THEMIS: variants seen among roughly 807,000 people sequenced by gnomAD.
THEMIS encodes thymocyte selection associated, also known as protein THEMIS.
THEMIS carries 37 observed loss-of-function variants against 52.6 expected under a neutral mutation model. The ratio of observed to expected loss-of-function variants is 0.70; its 90% CI spans 0.54 to 0.93. The LOEUF is 0.93. Ranked by LOEUF, THEMIS falls within the 40% of genes least tolerant of loss-of-function variation. The pLI is 0.00. For synonymous variants in THEMIS, 292 were observed against 272.7 expected (o/e 1.07, Z -0.70); for missense variants, 808 against 763.1 (o/e 1.06, Z -0.69).
intron 4 of THEMIS, among the ~76,000 whole-genome samples, chr6:127,774,354 A>C (rs1776486349): frequency 6.6e-6 from 1 of 152,120 alleles, no homozygotes; most frequent in Non-Finnish European, 1.5e-5. Flanking sequence ...TAAGGGCGCC[A>C]GCCACCATGC....
At chr6:127,765,903 G>T (rs145359346) in intron 4 of THEMIS, among the ~76,000 whole-genome samples, 88 of 151,992 alleles carry the variant, frequency 5.8e-4, no homozygotes, top group African/African-American at 2.0e-3. Context: ...GTCAATAATC[G>T]GTGCATACAT....
intron 1 of THEMIS, among the ~76,000 whole-genome samples, chr6:127,855,753 TA>T: frequency 6.6e-6 from 1 of 152,100 alleles, no homozygotes; most frequent in East Asian, 1.9e-4. Context: ...TTTGTGGCGA[TA>T]GGGGGCAGAC....
chr6:127,899,638 A>G (rs1781074941), intron 1 of THEMIS, among the ~76,000 whole-genome samples: 2 of 151,884 alleles, frequency 1.3e-5, no homozygotes, highest in South Asian at 4.1e-4. Flanking sequence ...ATGAAACCGT[A>G]AAGTTGATAA....
the THEMIS span, among the ~76,000 whole-genome samples, chr6:127,702,268 C>T: frequency 1.3e-5 from 2 of 152,070 alleles, no homozygotes; most frequent in South Asian, 2.1e-4. Context: ...TGTCCAAGTC[C>T]TATTTTATAT....
intron 4 of THEMIS, among the ~76,000 whole-genome samples, chr6:127,750,066 A>G (rs565871373): frequency 1.3e-5 from 2 of 149,630 alleles, no homozygotes; most frequent in African/African-American, 4.9e-5. Context: ...TTAAATGTCA[A>G]TGGATTCATT....
upstream of THEMIS, among the ~76,000 whole-genome samples, chr6:127,905,176 A>G (rs1419331216): frequency 6.6e-6 from 1 of 152,108 alleles, no homozygotes; most frequent in Non-Finnish European, 1.5e-5. Context: ...GATAAATGCA[A>G]AAGAAGGCAC....
intron 1 of THEMIS, among the ~76,000 whole-genome samples, chr6:127,875,927 T>A (rs1459907101): frequency 6.6e-6 from 1 of 152,232 alleles, no homozygotes; most frequent in Non-Finnish European, 1.5e-5. Flanking sequence ...TCAGTCTGGA[T>A]GTCTGGTTAT....
In THEMIS at chr6:127,793,528, A is replaced by G. The variant is rs537113421; in HGVS notation, c.1758+19355T>C. 2.0e-5 allele frequency among the ~76,000 whole-genome samples: 3 copies of G among 152,312 alleles called. No individual in the cohort carries two copies. In the East Asian group the frequency reaches 5.8e-4, roughly 29 times the overall value. ...GAAAGCAGGCCCCATGAAATCAAGC[A>G]TTACAGACAAGGACTTCTATTTGGG... On this transcript the variant is annotated intron_variant, in intron 4 of 5. Coordinates refer to ENST00000368248, the MANE Select transcript of THEMIS (RefSeq NM_001010923.3).
chr6:127,800,950 G>C (rs917688137), intron 4 of THEMIS, among the ~76,000 whole-genome samples: 1 of 152,180 alleles, frequency 6.6e-6, no homozygotes, highest in Non-Finnish European at 1.5e-5. Context: ...GGTTCTAGAG[G>C]AAGAGGAACA....
At chr6:127,906,612 A>C (rs1222967198) in intron 1 of THEMIS, among the ~76,000 whole-genome samples, 2 of 151,892 alleles carry the variant, frequency 1.3e-5, no homozygotes, top group Non-Finnish European at 2.9e-5. Context: ...AAAAAGGAGG[A>C]GAAAAGAAAA....
At chr6:127,733,851 G>A (rs1774893802) in intron 4 of THEMIS, among the ~76,000 whole-genome samples, 1 of 152,052 alleles carries the variant, frequency 6.6e-6, no homozygotes, top group Non-Finnish European at 1.5e-5. Context: ...ATGACATGTA[G>A]TAAACAGAAA....
chr6:127,916,072 A>G (rs1224497133), intron 1 of THEMIS, among the ~76,000 whole-genome samples: 1 of 152,084 alleles, frequency 6.6e-6, no homozygotes, highest in Non-Finnish European at 1.5e-5. Flanking sequence ...TTTTTGGGCA[A>G]TGCAAGTCTG....
At chr6:127,748,774 A>G (rs980488265) in intron 4 of THEMIS, among the ~76,000 whole-genome samples, 1 of 152,072 alleles carries the variant, frequency 6.6e-6, no homozygotes, top group African/African-American at 2.4e-5. Flanking sequence ...GAAAGTCACA[A>G]TCTCTCAGAA....
intron 1 of THEMIS, among the ~76,000 whole-genome samples, chr6:127,916,205 A>G (rs577984781): frequency 6.6e-6 from 1 of 151,808 alleles, no homozygotes; most frequent in East Asian, 1.9e-4. Flanking sequence ...ATATCTATGA[A>G]AAAAATAAAC....
chr6:127,787,982 T>A (rs567750069), intron 4 of THEMIS, among the ~76,000 whole-genome samples: 1 of 152,240 alleles, frequency 6.6e-6, no homozygotes, highest in Non-Finnish European at 1.5e-5. Flanking sequence ...AGTTGAATAT[T>A]CACAGAGCAT....
At chr6:127,732,245 A>G (rs563020010) in intron 4 of THEMIS, among the ~76,000 whole-genome samples, 285 of 151,954 alleles carry the variant, frequency 1.9e-3, no homozygotes, top group African/African-American at 6.5e-3. Flanking sequence ...GTAAATTTTC[A>G]TTTCAATCAT....
intron 2 of THEMIS, among the ~76,000 whole-genome samples, chr6:127,831,968 G>T (rs1270429610): frequency 6.6e-6 from 1 of 152,044 alleles, no homozygotes; most frequent in Non-Finnish European, 1.5e-5. Flanking sequence ...TGTGTGTGAA[G>T]ATTTATTTCT....
At chr6:127,917,953 CAT>C (rs1274196962) in intron 1 of THEMIS, among the ~76,000 whole-genome samples, 2 of 152,290 alleles carry the variant, frequency 1.3e-5, no homozygotes, top group African/African-American at 4.8e-5. Flanking sequence ...CTTACATTTG[CAT>C]ATGTCAGCTT....
chr6:127,729,246 GA>G (rs905818928), intron 4 of THEMIS, among the ~76,000 whole-genome samples: 58 of 136,870 alleles, frequency 4.2e-4, no homozygotes, highest in African/African-American at 1.3e-3. Flanking sequence ...TGGTTTAAAA[GA>G]AAAAAAAACT....
Sources: gnomAD v4.1 joint callset for allele counts (sites outside exome capture counted in the v4.1 genomes callset) on GRCh38, gnomAD v4.1.1 for gene constraint, MANE v1.5 for transcripts, NCBI Gene and HGNC (gene_info 2026-07-23, HGNC 2026-07-21) for gene names.